CAB39: variants seen among roughly 807,000 people sequenced by gnomAD.
The protein encoded by CAB39 is calcium binding protein 39.
Under a neutral mutation model 40.0 loss-of-function variants are expected in CAB39, and 8 were observed. The ratio of observed to expected loss-of-function variants is 0.20; its 90% CI spans 0.12 to 0.36. The LOEUF (loss-of-function observed/expected upper bound fraction) is 0.36. Ranked by LOEUF, CAB39 falls within the 10% of genes least tolerant of loss-of-function variation. The probability of loss-of-function intolerance (pLI) is 1.00; values close to 1 mark genes in which losing one functional copy is unlikely to be tolerated. For synonymous variants in CAB39, 156 were observed against 141.6 expected, an observed-to-expected ratio of 1.10 and a Z score of -0.72; for missense variants, 270 against 401.1, an observed-to-expected ratio of 0.67 and a Z score of 2.79.
At chr2:230,807,835 C>T (rs1396716244) in intron 5 of CAB39, among the ~76,000 whole-genome samples, 1 of 152,166 alleles carries the variant, frequency 6.6e-6, no homozygotes, top group Non-Finnish European at 1.5e-5. Flanking sequence ...TCTCTCAGGA[C>T]CCTCCTGCTT....
In CAB39 at chr2:230,817,663, A is replaced by G. The variant is rs551192729; in HGVS notation, c.694-91A>G. 5.4e-5 allele frequency: 55 copies of G among 1,025,694 alleles called. No individual in the cohort carries two copies. In the South Asian group the frequency reaches 6.3e-4, roughly 12 times the overall value. The allele number at this position is 1,025,694 out of a possible 1,614,324, so 63.5% of individuals were successfully genotyped here. A position where few individuals can be genotyped will look rare whatever the true frequency, so the allele number is the denominator to read the frequency against. On this transcript the variant is annotated intron_variant, in intron 7 of 8. Coordinates refer to ENST00000258418, the MANE Select transcript of CAB39 (RefSeq NM_016289.4). Reference sequence around the variant, plus strand: ...TCTTTTGAGTGCCTACTAATACTCTATACTTGATGATTATAAAATAAATTG... The same window carrying G: ...TCTTTTGAGTGCCTACTAATACTCTGTACTTGATGATTATAAAATAAATTG...
intron 1 of CAB39, among the ~76,000 whole-genome samples, chr2:230,741,279 T>A (rs1043447909): frequency 2.0e-5 from 3 of 152,236 alleles, no homozygotes; most frequent in African/African-American, 7.2e-5. Flanking sequence ...ACATGTCTTA[T>A]TAGACTGTTG....
At chr2:230,793,122 T>A in intron 3 of CAB39, 91 bp from the exon 4 acceptor site, 1 of 708,526 alleles carries the variant, frequency 1.4e-6, no homozygotes, top group South Asian at 1.7e-5. Context: ...TAACAATAAG[T>A]ACAATGGCCT....
intron 1 of CAB39, among the ~76,000 whole-genome samples, chr2:230,741,699 C>A (rs1035008413): frequency 2.6e-5 from 4 of 152,150 alleles, no homozygotes; most frequent in African/African-American, 9.7e-5. Context: ...TGTATACATT[C>A]AGTTTTTAAA....
intron 1 of CAB39, among the ~76,000 whole-genome samples, chr2:230,755,192 T>TAA (rs751447664): frequency 4.6e-5 from 7 of 152,362 alleles, no homozygotes; most frequent in Non-Finnish European, 1.0e-4. Context: ...AGTTCTACTT[T>TAA]TAGTTCTTTA....
At chr2:230,796,797 G>T (rs539132867) in intron 4 of CAB39, among the ~76,000 whole-genome samples, 2 of 152,228 alleles carry the variant, frequency 1.3e-5, no homozygotes, top group Non-Finnish European at 2.9e-5. Flanking sequence ...GGAGTTCCTA[G>T]TAGTTTAGAA....
intron 2 of CAB39, among the ~76,000 whole-genome samples, chr2:230,786,999 G>A (rs1468395177): frequency 3.3e-5 from 5 of 152,128 alleles, no homozygotes; most frequent in South Asian, 2.1e-4. Flanking sequence ...AGGTAGACTC[G>A]GCTTAGCATT....
At chr2:230,799,954 G>A (rs1477361014) in intron 5 of CAB39, among the ~76,000 whole-genome samples, 8 of 150,668 alleles carry the variant, frequency 5.3e-5, no homozygotes, top group Non-Finnish European at 8.8e-5. Flanking sequence ...TCACACCATT[G>A]CACTCCAGCC....
intron 6 of CAB39, among the ~76,000 whole-genome samples, chr2:230,810,931 C>T (rs1696292509): frequency 6.6e-6 from 1 of 152,160 alleles, no homozygotes; most frequent in Non-Finnish European, 1.5e-5. Flanking sequence ...TTCCAGAGTG[C>T]TTGATAGCTT....
chr2:230,817,920 G>A (rs1170867436), intron 8 of CAB39, 23 bp downstream of exon 8: 1 of 1,591,686 alleles, frequency 6.3e-7, no homozygotes, highest in East Asian at 2.3e-5. Flanking sequence ...AAGCATCAGT[G>A]ATACTGTCCA....
chr2:230,799,336 C>T (rs984647177), intron 5 of CAB39, among the ~76,000 whole-genome samples: 1 of 152,204 alleles, frequency 6.6e-6, no homozygotes, highest in East Asian at 1.9e-4. Flanking sequence ...GAGATACTCA[C>T]ATTGTGGACA....
chr2:230,810,193 G>A, intron 5 of CAB39, 70 bp from the exon 6 acceptor site: 1 of 696,376 alleles, frequency 1.4e-6, no homozygotes, highest in Non-Finnish European at 2.5e-6. Context: ...GTAAAATGGT[G>A]TGGAATTTAG....
intron 1 of CAB39, among the ~76,000 whole-genome samples, chr2:230,716,311 A>T (rs921183762): frequency 1.1e-4 from 17 of 152,180 alleles, no homozygotes; most frequent in African/African-American, 4.1e-4. Flanking sequence ...AATATTTACT[A>T]AAGTTTTCTG....
intron 1 of CAB39, among the ~76,000 whole-genome samples, chr2:230,732,080 C>CT (rs796715993): frequency 3.1e-3 from 447 of 142,170 alleles, no homozygotes; most frequent in African/African-American, 7.8e-3. Context: ...TTATCTCTCT[C>CT]TTTTTTTTTT....
At chr2:230,738,120 A>G (rs1043639514) in intron 1 of CAB39, among the ~76,000 whole-genome samples, 23 of 152,348 alleles carry the variant, frequency 1.5e-4, no homozygotes, top group African/African-American at 5.5e-4. Flanking sequence ...TACACAACGC[A>G]GTTCAAGAAA....
intron 4 of CAB39, among the ~76,000 whole-genome samples, chr2:230,796,557 T>C (rs1321081037): frequency 6.6e-6 from 1 of 152,164 alleles, no homozygotes; most frequent in South Asian, 2.1e-4. Flanking sequence ...AGATGAATTG[T>C]ATGATCAGCC....
At chr2:230,791,589 A>G (rs1169371371) in intron 3 of CAB39, among the ~76,000 whole-genome samples, 1 of 152,166 alleles carries the variant, frequency 6.6e-6, no homozygotes, top group Non-Finnish European at 1.5e-5. Flanking sequence ...GCTTCTCTTG[A>G]AAAACTTGAT....
At chr2:230,770,994 T>C (rs143031355) in intron 2 of CAB39, among the ~76,000 whole-genome samples, 6 of 152,320 alleles carry the variant, frequency 3.9e-5, no homozygotes, top group South Asian at 2.1e-4. Flanking sequence ...GACAGGGATA[T>C]CTACTTTCAC....
chr2:230,780,726 A>G lies in CAB39; in HGVS notation c.115-10146A>G, dbSNP rs550278424. ...AATAGTCTCATTACTGATGATGGTC[A>G]GTAACATCATTTGGTTAAGGTGGTG... On this transcript the variant is annotated intron_variant, in intron 2 of 8. Transcript: ENST00000258418. Among the ~76,000 whole-genome samples, 20 of 152,364 alleles carry G rather than the reference A, an allele frequency of 1.3e-4. No individual in the cohort carries two copies. The East Asian group carries it at 2.9e-3, about 22-fold the overall frequency.
Sources: allele counts gnomAD v4.1 joint callset (sites outside exome capture counted in the v4.1 genomes callset), GRCh38; gene constraint gnomAD v4.1.1; transcripts MANE v1.5; gene names NCBI Gene and HGNC (gene_info 2026-07-23, HGNC 2026-07-21).